AGTPBP1: variants seen among roughly 807,000 people sequenced by gnomAD.
AGTPBP1 encodes cytosolic carboxypeptidase 1.
A neutral mutation model predicts 143.9 loss-of-function variants in AGTPBP1; 70 were observed. The observed-to-expected ratio is 0.49, with a 90% CI of 0.40 to 0.59. The LOEUF (loss-of-function observed/expected upper bound fraction) is 0.59. AGTPBP1 is among the 20% of genes least tolerant of loss of function. The pLI, the probability that AGTPBP1 is intolerant of heterozygous loss-of-function variation, is 0.00. For synonymous variants in AGTPBP1, 463 were observed against 500.2 expected, an observed-to-expected ratio of 0.93 and a Z score of 0.99; for missense variants, 1,229 against 1,464.5, an observed-to-expected ratio of 0.84 and a Z score of 2.62.
chr9:85,655,100 T>C (rs764160833), intron 11 of AGTPBP1, 43 bp downstream of exon 11: 19 of 1,482,238 alleles, frequency 1.3e-5, no homozygotes, highest in Non-Finnish European at 1.6e-5. Flanking sequence ...GGTCACATAA[T>C]TCTAAGAACC....
chr9:85,566,661 T>C (rs1221673552), intron 25 of AGTPBP1, among the ~76,000 whole-genome samples: 5 of 151,428 alleles, frequency 3.3e-5, no homozygotes, highest in East Asian at 3.9e-4. Context: ...CATATGCATA[T>C]AGAAATAAGA....
At chr9:85,586,322 TAAAAAC>T (rs1034740135) in intron 22 of AGTPBP1, among the ~76,000 whole-genome samples, 2 of 152,004 alleles carry the variant, frequency 1.3e-5, no homozygotes, top group African/African-American at 4.8e-5. Context: ...TAAAAATAAA[TAAAAAC>T]AAAGGACATG....
chr9:85,716,164 A>G (rs1241990154), intron 1 of AGTPBP1, among the ~76,000 whole-genome samples: 2 of 152,216 alleles, frequency 1.3e-5, no homozygotes, highest in Non-Finnish European at 1.5e-5. Context: ...TCCCCATGTT[A>G]CTAAATCCAA....
chr9:85,690,610 G>A (rs1056646293), intron 3 of AGTPBP1, among the ~76,000 whole-genome samples: 4 of 151,982 alleles, frequency 2.6e-5, no homozygotes, highest in African/African-American at 9.7e-5. Flanking sequence ...GTGGTGGGAA[G>A]AAAGTCATTC....
chr9:85,763,925 A>T, the AGTPBP1 span, among the ~76,000 whole-genome samples: 23 of 152,202 alleles, frequency 1.5e-4, no homozygotes, highest in South Asian at 6.2e-4. Flanking sequence ...AATTACCTGA[A>T]ATTTGACCAT....
intron 13 of AGTPBP1, among the ~76,000 whole-genome samples, chr9:85,634,742 T>G (rs1587790589): frequency 6.6e-6 from 1 of 152,308 alleles, no homozygotes; most frequent in African/African-American, 2.4e-5. Flanking sequence ...AAAATCTTTT[T>G]GCAAAGAGTT....
In AGTPBP1 at chr9:85,627,253, T is replaced by C. The variant is rs575400227; in HGVS notation, c.2015+5409A>G. Reference sequence around the variant, plus strand: ...ATCCAGAGAAATAAAGTTATTTATGTGCGCGCACACACACACACAGAGTGG... The same window carrying C: ...ATCCAGAGAAATAAAGTTATTTATGCGCGCGCACACACACACACAGAGTGG... On this transcript the variant is annotated intron_variant, in intron 14 of 25. Coordinates refer to ENST00000357081, the MANE Select transcript of AGTPBP1 (RefSeq NM_001330701.2). 1.1e-4 allele frequency among the ~76,000 whole-genome samples: 17 copies of C among 152,156 alleles called. No homozygotes were observed. In the South Asian group the frequency reaches 1.9e-3, roughly 17 times the overall value.
At chr9:85,797,215 C>A in the AGTPBP1 span, among the ~76,000 whole-genome samples, 5 of 152,102 alleles carry the variant, frequency 3.3e-5, no homozygotes, top group Non-Finnish European at 7.4e-5. Flanking sequence ...ATCTCCCAGG[C>A]TCCCACCTCA....
At chr9:85,688,034 G>A (rs1835598460) in intron 3 of AGTPBP1, among the ~76,000 whole-genome samples, 4 of 133,918 alleles carry the variant, frequency 3.0e-5, no homozygotes, top group Admixed American at 8.1e-5. Flanking sequence ...AGGTTGCAGT[G>A]AGCCGAGATC....
chr9:85,697,695 G>A (rs925128267), intron 2 of AGTPBP1, among the ~76,000 whole-genome samples: 37 of 151,750 alleles, frequency 2.4e-4, no homozygotes, highest in Middle Eastern at 3.4e-3. Context: ...CTCGTGATCC[G>A]CCCGCCTCAG....
chr9:85,567,512 A>G (rs932650924), intron 25 of AGTPBP1, among the ~76,000 whole-genome samples: 1 of 152,192 alleles, frequency 6.6e-6, no homozygotes, highest in African/African-American at 2.4e-5. Context: ...GAATCGCTTG[A>G]GCCTGGGAGG....
intron 14 of AGTPBP1, among the ~76,000 whole-genome samples, chr9:85,624,659 G>A (rs535741775): frequency 5.9e-5 from 9 of 152,014 alleles, no homozygotes; most frequent in East Asian, 3.9e-4. Flanking sequence ...TTTTGCCTTT[G>A]CCACAATTCT....
chr9:85,710,322 G>C (rs1837286195), intron 2 of AGTPBP1, among the ~76,000 whole-genome samples: 1 of 151,964 alleles, frequency 6.6e-6, no homozygotes, highest in Non-Finnish European at 1.5e-5. Context: ...AAGAAAAAAA[G>C]GAAGAAATCA....
At chr9:85,739,686 C>T (rs1223443006) in intron 1 of AGTPBP1, among the ~76,000 whole-genome samples, 11 of 141,662 alleles carry the variant, frequency 7.8e-5, no homozygotes, top group African/African-American at 2.7e-4. Flanking sequence ...CCAGCCTGGG[C>T]GACAAGAGCG....
At chr9:85,732,990 C>T (rs59616236) in intron 1 of AGTPBP1, among the ~76,000 whole-genome samples, 4,831 of 151,794 alleles carry the variant, frequency 0.032, 100 homozygotes, top group African/African-American at 0.053. Flanking sequence ...CATCAAAATA[C>T]GAGGTAAAAA....
intron 4 of AGTPBP1, among the ~76,000 whole-genome samples, chr9:85,679,972 T>A (rs1045583671): frequency 6.6e-6 from 1 of 152,218 alleles, no homozygotes; most frequent in Admixed American, 6.5e-5. Context: ...TTTATTTGGG[T>A]GTGGAATGCA....
chr9:85,588,308 T>C lies in AGTPBP1; in HGVS notation c.2893A>G (p.Ile965Val), dbSNP rs1026757017. 1.2e-6 allele frequency: 2 copies of C among 1,604,740 alleles called. No individual in the cohort carries two copies. The highest frequency in any genetic ancestry group is 1.1e-5 in the South Asian group (1 of 89,686). ...TATTGCTTAACTTACTTTCCATTGA[T>C]GACACCATCTGGATTTAACATAGGG... The part of the protein sequence containing the change: ...IVPMLNPDGV[I>V]NGNHRCSLSG... Residue 965 changes from isoleucine to valine, a missense_variant, in exon 21 of 26, where the codon ATC becomes GTC. This residue lies in a region of AGTPBP1 where 486 missense variants were observed against 652.3 expected (regional missense o/e 0.75). Coordinates refer to ENST00000357081, the MANE Select transcript of AGTPBP1 (RefSeq NM_001330701.2).
intron 25 of AGTPBP1, among the ~76,000 whole-genome samples, chr9:85,562,044 A>C (rs7032745): frequency 0.3 from 44,774 of 151,650 alleles, 10,171 homozygotes; most frequent in African/African-American, 0.62. Flanking sequence ...CTTGGCCAGG[A>C]TGCTCTTGAA....
intron 2 of AGTPBP1, among the ~76,000 whole-genome samples, chr9:85,695,490 G>A (rs1489786489): frequency 2.0e-5 from 3 of 152,148 alleles, no homozygotes; most frequent in African/African-American, 2.4e-5. Context: ...TTGCACCGAT[G>A]GTCCAAAGGC....
Sources: gnomAD v4.1 joint callset for allele counts (sites outside exome capture counted in the v4.1 genomes callset) on GRCh38, gnomAD v4.1.1 for gene constraint, gnomAD v4.1.1 regional missense constraint, MANE v1.5 for transcripts, NCBI Gene and HGNC (gene_info 2026-07-23, HGNC 2026-07-21) for gene names.